KCNN2: variants seen among roughly 807,000 people sequenced by gnomAD.
The protein encoded by KCNN2 is small conductance calcium-activated potassium channel protein 2.
Under a neutral mutation model 55.5 loss-of-function variants are expected in KCNN2, and 24 were observed. The observed-to-expected ratio is 0.43, with a 90% confidence interval of 0.31 to 0.61. The LOEUF (loss-of-function observed/expected upper bound fraction) is 0.61. Ranked by LOEUF, KCNN2 falls within the 20% of genes least tolerant of loss-of-function variation. KCNN2 has a pLI of 0.08. For synonymous variants in KCNN2, 431 were observed against 336.1 expected (o/e 1.28, Z -3.09); for missense variants, 754 against 853.6 (o/e 0.88, Z 1.45).
At chr5:114,216,856 C>A (rs75450623) in intron 1 of KCNN2, among the ~76,000 whole-genome samples, 21 of 152,068 alleles carry the variant, frequency 1.4e-4, no homozygotes, top group Admixed American at 1.3e-3. Flanking sequence ...ACGTGATTAT[C>A]TATGCAGAAA....
intron 2 of KCNN2, among the ~76,000 whole-genome samples, chr5:114,282,299 C>G (rs1019944672): frequency 3.9e-5 from 6 of 152,024 alleles, no homozygotes; most frequent in African/African-American, 1.4e-4. Context: ...ACAAAGGAAT[C>G]TAGGCATCTA....
At chr5:114,096,056 C>G (rs1331518719) in intron 1 of KCNN2, among the ~76,000 whole-genome samples, 2 of 152,022 alleles carry the variant, frequency 1.3e-5, no homozygotes, top group Non-Finnish European at 2.9e-5. Context: ...GGACTGAGTC[C>G]ACAGGTTGAG....
intron 2 of KCNN2, among the ~76,000 whole-genome samples, chr5:114,293,552 A>C (rs1303237771): frequency 6.6e-6 from 1 of 152,184 alleles, no homozygotes; most frequent in Non-Finnish European, 1.5e-5. Context: ...CCACTTGATC[A>C]TGGTGGATAA....
intron 4 of KCNN2, among the ~76,000 whole-genome samples, chr5:114,469,336 C>A (rs936648738): frequency 2.6e-5 from 4 of 152,174 alleles, no homozygotes; most frequent in Non-Finnish European, 5.9e-5. Context: ...CAAGCGAAAC[C>A]TGAACCTTTG....
At chr5:114,082,116 A>C (rs1234044003) in intron 1 of KCNN2, among the ~76,000 whole-genome samples, 2 of 152,156 alleles carry the variant, frequency 1.3e-5, no homozygotes, top group Non-Finnish European at 2.9e-5. Flanking sequence ...TGGGAGGCCA[A>C]GGCGGGAGGA....
At chr5:114,360,325 C>G (rs1382350502), upstream of KCNN2, among the ~76,000 whole-genome samples, 1 of 152,112 alleles carries the variant, frequency 6.6e-6, no homozygotes, top group Admixed American at 6.5e-5. Context: ...AAAGCAGATA[C>G]CAGGTAAGCA....
At chr5:114,388,437 C>G (rs1286494242) in intron 2 of KCNN2, among the ~76,000 whole-genome samples, 1 of 152,166 alleles carries the variant, frequency 6.6e-6, no homozygotes, top group Non-Finnish European at 1.5e-5. Context: ...TCTTTGGAGG[C>G]CTTCATTCTG....
At chr5:114,097,896 T>G (rs1327365331) in intron 1 of KCNN2, among the ~76,000 whole-genome samples, 5 of 152,184 alleles carry the variant, frequency 3.3e-5, no homozygotes, top group African/African-American at 4.8e-5. Flanking sequence ...TTTGTTTCCT[T>G]TTGCTGCTGT....
intron 1 of KCNN2, among the ~76,000 whole-genome samples, chr5:114,077,144 G>T (rs1036457113): frequency 6.6e-6 from 1 of 152,202 alleles, no homozygotes; most frequent in African/African-American, 2.4e-5. Flanking sequence ...GAGAAGTGCT[G>T]TGGAGATGGA....
intron 3 of KCNN2, among the ~76,000 whole-genome samples, chr5:114,455,370 G>A (rs1003189200): frequency 2.0e-5 from 3 of 152,038 alleles, no homozygotes; most frequent in Non-Finnish European, 2.9e-5. Flanking sequence ...TTTATCTTGG[G>A]GTTCCATGAA....
chr5:114,479,749 A>C (rs1459131912), intron 5 of KCNN2, among the ~76,000 whole-genome samples: 1 of 152,200 alleles, frequency 6.6e-6, no homozygotes, highest in African/African-American at 2.4e-5. Context: ...CCACAACTAC[A>C]TGGAAATTGA....
At chr5:114,176,155 A>G (rs530365224) in intron 1 of KCNN2, among the ~76,000 whole-genome samples, 1 of 152,298 alleles carries the variant, frequency 6.6e-6, no homozygotes, top group Non-Finnish European at 1.5e-5. Flanking sequence ...TGTGTAATGC[A>G]GAATCTTTAG....
chr5:114,241,820 GTGTGTATATATA>G (rs1754646359), intron 2 of KCNN2, among the ~76,000 whole-genome samples: 2 of 5,618 alleles, frequency 3.6e-4, no homozygotes, highest in African/African-American at 5.8e-4. Flanking sequence ...ATATATATAT[GTGTGTATATATA>G]TATATATATA....
intron 2 of KCNN2, among the ~76,000 whole-genome samples, chr5:114,377,014 A>C (rs2150054257): frequency 6.6e-6 from 1 of 152,296 alleles, no homozygotes; most frequent in South Asian, 2.1e-4. Flanking sequence ...CCAGGAGTGA[A>C]GACTGCAGTG....
intron 5 of KCNN2, among the ~76,000 whole-genome samples, chr5:114,478,466 A>C (rs942278418): frequency 6.6e-6 from 1 of 152,070 alleles, no homozygotes; most frequent in African/African-American, 2.4e-5. Flanking sequence ...CTAAGTTGGA[A>C]AACATACTTC....
chr5:114,238,838 A>AT (rs924476599), intron 2 of KCNN2, among the ~76,000 whole-genome samples: 3 of 151,874 alleles, frequency 2.0e-5, no homozygotes, highest in Non-Finnish European at 2.9e-5. Flanking sequence ...GCATGGACCT[A>AT]TTTTTTTTAT....
At chr5:114,393,997 C>G (rs1040207752) in intron 2 of KCNN2, among the ~76,000 whole-genome samples, 16 of 151,960 alleles carry the variant, frequency 1.1e-4, no homozygotes, top group African/African-American at 3.9e-4. Flanking sequence ...ATTTTTCACT[C>G]TTGCAAATAT....
intron 1 of KCNN2, among the ~76,000 whole-genome samples, chr5:114,139,814 A>C (rs2112502980): frequency 6.6e-6 from 1 of 151,890 alleles, no homozygotes; most frequent in East Asian, 1.9e-4. Flanking sequence ...TAGTTCATAT[A>C]GATGTTTGTG....
intron 2 of KCNN2, among the ~76,000 whole-genome samples, chr5:114,351,418 A>C (rs963225918): frequency 1.3e-5 from 2 of 151,802 alleles, no homozygotes; most frequent in East Asian, 3.9e-4. Context: ...CTTCTTATCT[A>C]TCTGAATACC....
Sources: gnomAD v4.1 joint callset for allele counts (sites outside exome capture counted in the v4.1 genomes callset) on GRCh38, gnomAD v4.1.1 for gene constraint, MANE v1.5 for transcripts, NCBI Gene and HGNC (gene_info 2026-07-23, HGNC 2026-07-21) for gene names.